SNF8: variants seen among roughly 807,000 people sequenced by gnomAD.
SNF8 encodes vacuolar-sorting protein SNF8.
Under a neutral mutation model 36.8 loss-of-function variants are expected in SNF8, and 19 were observed. The ratio of observed to expected loss-of-function variants is 0.52; its 90% confidence interval spans 0.36 to 0.76. SNF8 has a LOEUF of 0.76. SNF8 is among the 30% of genes least tolerant of loss of function. SNF8 has a pLI of 0.00. For synonymous variants in SNF8, 127 were observed against 127.4 expected (o/e 1.00, Z 0.02); for missense variants, 268 against 322.9 (o/e 0.83, Z 1.30).
intron 5 of SNF8, chr17:48,933,737 AAAAT>A (rs758087126): frequency 1.2e-4 from 22 of 176,514 alleles, no homozygotes; most frequent in South Asian, 6.8e-4. Flanking sequence ...CCCTGCCTCT[AAAAT>A]AAAAGGCTGC....
At chr17:48,934,695 C>T (rs564913446) in intron 5 of SNF8, 3 of 153,460 alleles carry the variant, frequency 2.0e-5, no homozygotes, top group Non-Finnish European at 2.9e-5. Flanking sequence ...CAGCCTAGAA[C>T]AATGAGTGCA....
intron 3 of SNF8, among the ~76,000 whole-genome samples, chr17:48,940,576 G>T (rs911425791): frequency 6.6e-6 from 1 of 151,974 alleles, no homozygotes; most frequent in Admixed American, 6.6e-5. Flanking sequence ...GGATCACGAG[G>T]TCAGGATATC....
chr17:48,943,650 T>C (rs2041062662), intron 2 of SNF8, among the ~76,000 whole-genome samples: 1 of 152,092 alleles, frequency 6.6e-6, no homozygotes, highest in Non-Finnish European at 1.5e-5. Flanking sequence ...AATAATAGGG[T>C]TCCTTCCTTA....
chr17:48,934,317 T>G (rs1357604469), intron 5 of SNF8, among the ~76,000 whole-genome samples: 1 of 146,126 alleles, frequency 6.8e-6, no homozygotes, highest in African/African-American at 2.5e-5. Flanking sequence ...TCACTTTCCT[T>G]TTTTTTTTTT....
chr17:48,938,407 A>T (rs1405665072), intron 3 of SNF8, among the ~76,000 whole-genome samples: 5 of 151,520 alleles, frequency 3.3e-5, no homozygotes, highest in Admixed American at 6.6e-5. Flanking sequence ...GAGGCAGGAG[A>T]ATCGCTTGAA....
chr17:48,944,080 G>C, intron 1 of SNF8, 105 bp from the exon 2 acceptor site: 1 of 1,000,452 alleles, frequency 1.0e-6, no homozygotes, highest in Non-Finnish European at 1.6e-6. Flanking sequence ...GAGGCGGGCG[G>C]ATCACGAGGT....
chr17:48,939,454 A>ACTTC (rs1567788531), intron 3 of SNF8, among the ~76,000 whole-genome samples: 6 of 117,096 alleles, frequency 5.1e-5, no homozygotes, highest in Non-Finnish European at 4.0e-5. Flanking sequence ...TAAATTAGTA[A>ACTTC]TTTCTTTTTT....
At chr17:48,931,827 A>G (rs564558067) in intron 6 of SNF8, 110 bp from the exon 7 acceptor site, 2 of 765,348 alleles carry the variant, frequency 2.6e-6, no homozygotes, top group South Asian at 3.7e-5. Flanking sequence ...AAAGCTGTCA[A>G]GCATGAGAGA....
chr17:48,936,497 CTT>C (rs2143804434), intron 4 of SNF8, among the ~76,000 whole-genome samples: 1 of 152,300 alleles, frequency 6.6e-6, no homozygotes, highest in African/African-American at 2.4e-5. Flanking sequence ...TAAATGTCCT[CTT>C]GACATCAAGG....
chr17:48,941,325 T>G (rs985102224), intron 2 of SNF8, among the ~76,000 whole-genome samples: 2 of 152,090 alleles, frequency 1.3e-5, no homozygotes, highest in African/African-American at 4.8e-5. Context: ...CAGCATGCAT[T>G]TAATAATCAA....
chr17:48,940,533 G>A (rs1359709354), intron 3 of SNF8, among the ~76,000 whole-genome samples: 1 of 151,770 alleles, frequency 6.6e-6, no homozygotes, highest in Non-Finnish European at 1.5e-5. Context: ...GCTCATGCAG[G>A]TAATCCCAGC....
At position 48,933,303 on chromosome 17, in the gene SNF8, T is replaced by G. The variant is rs1364572687; in HGVS notation, c.466A>C (p.Thr156Pro). ...CCCACAGGGATGATGCCGAAGCCAG[T>G]GCCAAGTGCCTTTAGTTTCTTGATG... ...RAIKKLKALG[T>P]GFGIIPVGGT... Residue 156 changes from threonine to proline, a missense_variant, in exon 6 of 8, where the codon ACT becomes CCT. Coordinates refer to ENST00000502492, the MANE Select transcript of SNF8 (RefSeq NM_007241.4). 1.9e-6 allele frequency: 3 copies of G among 1,614,228 alleles called. No homozygotes were observed. The South Asian group carries it at 3.3e-5, about 18-fold the overall frequency.
Position 48,929,982 on chromosome 17 carries a change from A to C in SNF8, c.*493T>G, listed in dbSNP as rs2040833079. On this transcript the variant is annotated 3_prime_UTR_variant, in exon 8 of 8. Transcript: ENST00000502492. ...CCAATTTAGCCACGATTGGACATTG[A>C]CTTCTATTTCCTTCATACTCACAGC... The C allele has an allele frequency of 6.6e-6, 1 of 152,150 alleles. No homozygotes were observed. The highest frequency in any genetic ancestry group is 6.5e-5 in the Admixed American group (1 of 15,270). The allele number at this position is 152,150 out of a possible 1,614,324, so 9.4% of individuals were successfully genotyped here. A position where few individuals can be genotyped will look rare whatever the true frequency, so the allele number is the denominator to read the frequency against.
At chr17:48,934,955 G>T (rs1223783822) in intron 5 of SNF8, among the ~76,000 whole-genome samples, 2 of 152,072 alleles carry the variant, frequency 1.3e-5, no homozygotes, top group East Asian at 3.9e-4. Flanking sequence ...TCTCAAACTG[G>T]ACTCGCACAT....
chr17:48,931,540 C>T, intron 7 of SNF8, 103 bp downstream of exon 7: 4 of 929,418 alleles, frequency 4.3e-6, no homozygotes, highest in Non-Finnish European at 6.6e-6. Flanking sequence ...GCCTTCAAGG[C>T]AGAAGGCCAG....
chr17:48,939,590 G>T (rs949008898), intron 3 of SNF8, among the ~76,000 whole-genome samples: 3 of 151,102 alleles, frequency 2.0e-5, no homozygotes, highest in Admixed American at 2.0e-4. Flanking sequence ...CTCCCGAGTA[G>T]CTGGGATTAC....
In SNF8 at chr17:48,929,344, A is replaced by AT. The variant is rs2040822768; in HGVS notation, c.*1130_*1131insA. Reference sequence around the variant, plus strand: ...AGAGCTTGGAGTGAGCATGTCCTACAAGGATAGGCAGAGGAAGAGATGGGC... The same window carrying AT: ...AGAGCTTGGAGTGAGCATGTCCTACATAGGATAGGCAGAGGAAGAGATGGGC... On this transcript the variant is annotated 3_prime_UTR_variant, in exon 8 of 8. Coordinates refer to ENST00000502492, the MANE Select transcript of SNF8 (RefSeq NM_007241.4). 1 of 152,208 alleles carries AT rather than the reference A, an allele frequency of 6.6e-6. No individual in the cohort carries two copies. Among genetic ancestry groups the AT allele is most frequent in the African/African-American group, 2.4e-5 (1 of 41,440 alleles). The allele number at this position is 152,208 out of a possible 1,614,324, so 9.4% of individuals were successfully genotyped here. A position where few individuals can be genotyped will look rare whatever the true frequency, so the allele number is the denominator to read the frequency against.
chr17:48,944,736 C>T lies in SNF8; in HGVS notation c.-2G>A, dbSNP rs764789888. On this transcript the variant is annotated 5_prime_UTR_variant, in exon 1 of 8. Transcript: ENST00000502492. ...AGCTCCCACCCCGCGGCGGTGCATC[C>T]CCACCCTGGGCCCGCGGGCCGCCCG... 3 of 1,605,148 alleles carry T rather than the reference C, an allele frequency of 1.9e-6. No homozygotes were observed. In the East Asian group the frequency reaches 6.8e-5, roughly 37 times the overall value.
At chr17:48,937,186 A>G in intron 3 of SNF8, 62 bp from the exon 4 acceptor site, 2 of 1,253,672 alleles carry the variant, frequency 1.6e-6, no homozygotes, top group Non-Finnish European at 2.4e-6. Flanking sequence ...TTTTCTTTCA[A>G]ACCTGCATTA....
Sources: gnomAD v4.1 joint callset for allele counts (sites outside exome capture counted in the v4.1 genomes callset) on GRCh38, gnomAD v4.1.1 for gene constraint, MANE v1.5 for transcripts, NCBI Gene and HGNC (gene_info 2026-07-23, HGNC 2026-07-21) for gene names.